Variants in PDE6A observed in about 807,000 individuals in gnomAD.
The protein encoded by PDE6A is rod cGMP-specific 3',5'-cyclic phosphodiesterase subunit alpha.
A neutral mutation model predicts 106.3 loss-of-function variants in PDE6A; 84 were observed. The ratio of observed to expected loss-of-function variants is 0.79; its 90% confidence interval spans 0.66 to 0.95. The LOEUF (loss-of-function observed/expected upper bound fraction) is 0.95, where lower values mean the gene tolerates loss of function less well. Ranked by LOEUF, PDE6A falls within the 40% of genes least tolerant of loss-of-function variation. The probability of loss-of-function intolerance (pLI) is 0.00; values close to 1 mark genes in which losing one functional copy is unlikely to be tolerated. For synonymous variants in PDE6A, 394 were observed against 386.6 expected, an observed-to-expected ratio of 1.02 and a Z score of -0.23; for missense variants, 1,052 against 1,084.9, an observed-to-expected ratio of 0.97 and a Z score of 0.43.
intron 1 of PDE6A, 57 bp downstream of exon 1, chr5:149,944,142 AC>A: frequency 7.2e-7 from 1 of 1,390,610 alleles, no homozygotes; most frequent in Non-Finnish European, 1.0e-6. Context: ...CCCCACCTGT[AC>A]CCCAGAACTC....
intron 17 of PDE6A, among the ~76,000 whole-genome samples, chr5:149,872,233 T>C (rs1260385345): frequency 1.3e-5 from 2 of 152,190 alleles, no homozygotes; most frequent in Non-Finnish European, 2.9e-5. Flanking sequence ...AGTCTGTTCG[T>C]TTGTAAAATG....
intron 1 of PDE6A, among the ~76,000 whole-genome samples, chr5:149,940,542 G>A (rs1315685323): frequency 6.9e-6 from 1 of 145,710 alleles, no homozygotes; most frequent in Non-Finnish European, 1.5e-5. Flanking sequence ...TTGTTGCCCA[G>A]TCTGGAGTGC....
intron 4 of PDE6A, among the ~76,000 whole-genome samples, chr5:149,930,766 T>C (rs1387635023): frequency 7.9e-5 from 12 of 152,206 alleles, no homozygotes; most frequent in Admixed American, 5.9e-4. Context: ...CATCACCTCA[T>C]CAGTTTCTTT....
At chr5:149,888,537 GA>G (rs1249241376) in intron 13 of PDE6A, among the ~76,000 whole-genome samples, 4 of 148,840 alleles carry the variant, frequency 2.7e-5, no homozygotes, top group Admixed American at 6.7e-5. Flanking sequence ...AATAATAAGG[GA>G]AACAATTCTA....
chr5:149,889,275 C>T (rs893923892), intron 13 of PDE6A, among the ~76,000 whole-genome samples: 9 of 151,916 alleles, frequency 5.9e-5, no homozygotes, highest in Middle Eastern at 3.4e-3. Context: ...AGGTAATTGA[C>T]CTAGGAAACA....
chr5:149,912,330 TC>T (rs1489075454), intron 6 of PDE6A, among the ~76,000 whole-genome samples: 1 of 152,206 alleles, frequency 6.6e-6, no homozygotes, highest in African/African-American at 2.4e-5. Context: ...GTTTGATTAG[TC>T]ATTTATTTAC....
intron 7 of PDE6A, among the ~76,000 whole-genome samples, chr5:149,904,255 A>G (rs1753099929): frequency 6.6e-6 from 1 of 152,236 alleles, no homozygotes; most frequent in Admixed American, 6.5e-5. Context: ...TCAAAATAAA[A>G]TAAAAAACTA....
At chr5:149,901,746 G>A (rs867121484) in intron 8 of PDE6A, among the ~76,000 whole-genome samples, 30 of 152,168 alleles carry the variant, frequency 2.0e-4, no homozygotes, top group African/African-American at 5.8e-4. Flanking sequence ...CAGGCTTGTC[G>A]CATTGATGTG....
intron 4 of PDE6A, among the ~76,000 whole-genome samples, chr5:149,929,570 G>T (rs540761245): frequency 6.6e-6 from 1 of 151,922 alleles, no homozygotes; most frequent in African/African-American, 2.4e-5. Flanking sequence ...TTGCGCCACT[G>T]CACTCCAGCC....
chr5:149,888,063 G>A (rs868794824), intron 13 of PDE6A, among the ~76,000 whole-genome samples: 59 of 152,264 alleles, frequency 3.9e-4, no homozygotes, highest in African/African-American at 1.1e-3. Context: ...CTTGAGCCCA[G>A]GAGGTCAAGG....
At chr5:149,897,834 A>G (rs1488051278) in intron 10 of PDE6A, among the ~76,000 whole-genome samples, 3 of 151,978 alleles carry the variant, frequency 2.0e-5, no homozygotes, top group Non-Finnish European at 4.4e-5. Flanking sequence ...CGATCTGACC[A>G]CCTTGGCCTC....
In PDE6A at chr5:149,944,600, T is replaced by C. The variant is rs760990780; in HGVS notation, c.74A>G (p.Asn25Ser). ...SNIGFAKQYYNLHYRAKLISD... is the reference protein window; with the variant it reads ...SNIGFAKQYYSLHYRAKLISD... ...GATGAGCTTGGCCCGGTAGTGGAGG[T>C]TGTAGTACTGTTTGGCAAAGCCAAT... The change falls in exon 1 of 22, where the codon AAC becomes AGC. Residue 25 changes from asparagine (N) to serine (S), a missense_variant. Asn to Ser is a conservative substitution (Grantham distance 46). Coordinates refer to ENST00000255266, the MANE Select transcript of PDE6A (RefSeq NM_000440.3). 3 of 1,613,280 alleles carry C rather than the reference T, an allele frequency of 1.9e-6. No homozygotes were observed. Among genetic ancestry groups the C allele is most frequent in the Non-Finnish European group, 1.7e-6 (2 of 1,179,804 alleles).
intron 4 of PDE6A, among the ~76,000 whole-genome samples, chr5:149,930,221 G>A (rs1348836742): frequency 6.6e-6 from 1 of 152,200 alleles, no homozygotes; most frequent in East Asian, 1.9e-4. Flanking sequence ...CCAAGTTTGG[G>A]AGCCTCTGGA....
Position 149,858,816 on chromosome 5 carries a change from C to CTTTTTTTTTTTTTTTTTTTTTTTTTT in PDE6A, c.*2078_*2079insAAAAAAAAAAAAAAAAAAAAAAAAAA, listed in dbSNP as rs764134058. On this transcript the variant is annotated 3_prime_UTR_variant, in exon 22 of 22. Coordinates refer to ENST00000255266, the MANE Select transcript of PDE6A (RefSeq NM_000440.3). ...AAGAGAGAAATTCTATCTGCCACAT[C>CTTTTTTTTTTTTTTTTTTTTTTTTTT]TTTTTTTTTTCTTTTTTTTTTTTTT... 7 of 79,148 alleles carry CTTTTTTTTTTTTTTTTTTTTTTTTTT rather than the reference C, an allele frequency of 8.8e-5. 3 individuals are homozygous for CTTTTTTTTTTTTTTTTTTTTTTTTTT. The highest frequency in any genetic ancestry group is 1.5e-4 in the African/African-American group (3 of 19,388). 4.9% of individuals were successfully genotyped at this position (79,148 alleles called of 1,614,324 possible).
chr5:149,861,949 C>T (rs1204018483), intron 21 of PDE6A, among the ~76,000 whole-genome samples: 1 of 152,166 alleles, frequency 6.6e-6, no homozygotes, highest in East Asian at 1.9e-4. Flanking sequence ...CTATACACAT[C>T]TGTGATGTAC....
intron 17 of PDE6A, among the ~76,000 whole-genome samples, chr5:149,872,314 T>C (rs1013050122): frequency 3.9e-5 from 6 of 152,200 alleles, no homozygotes; most frequent in African/African-American, 1.4e-4. Context: ...AATTCAGCAG[T>C]TTCCTATGGG....
intron 4 of PDE6A, among the ~76,000 whole-genome samples, chr5:149,926,924 G>A (rs1480956179): frequency 6.7e-6 from 1 of 148,540 alleles, no homozygotes; most frequent in Non-Finnish European, 1.5e-5. Context: ...GTTGCAATGA[G>A]CTGAGATCGT....
At chr5:149,905,039 A>T (rs867008507) in intron 7 of PDE6A, among the ~76,000 whole-genome samples, 3 of 152,062 alleles carry the variant, frequency 2.0e-5, no homozygotes, top group African/African-American at 7.2e-5. Context: ...TCCAGTGCCA[A>T]ACCCAATGAG....
At chr5:149,933,849 C>T (rs771913887) in intron 3 of PDE6A, 81 bp downstream of exon 3, 145 of 995,396 alleles carry the variant, frequency 1.5e-4, no homozygotes, top group Non-Finnish European at 2.1e-4. Flanking sequence ...CCTTCATTCC[C>T]ATCTGCCTGC....
Sources: gnomAD v4.1 joint callset for allele counts (sites outside exome capture counted in the v4.1 genomes callset) on GRCh38, gnomAD v4.1.1 for gene constraint, MANE v1.5 for transcripts, NCBI Gene and HGNC (gene_info 2026-07-23, HGNC 2026-07-21) for gene names.